The following TRANK1 variants were observed in gnomAD, a reference collection of about 807,000 sequenced individuals.
TRANK1 encodes the protein tetratricopeptide repeat and ankyrin repeat containing 1.
In TRANK1, 198 loss-of-function variants were observed where a neutral mutation model predicts 266.0. The ratio of observed to expected loss-of-function variants is 0.74; its 90% CI spans 0.66 to 0.84. The LOEUF is 0.84. Ranked by LOEUF, TRANK1 falls within the 40% of genes least tolerant of loss-of-function variation. TRANK1 has a pLI of 0.00. For missense variants in TRANK1, 3,326 were observed against 3,634.6 expected, an observed-to-expected ratio of 0.92 and a Z score of 2.18; for synonymous variants, 1,396 against 1,384.1, an observed-to-expected ratio of 1.01 and a Z score of -0.19.
At chr3:36,878,237 T>C (rs1380490241) in intron 8 of TRANK1, among the ~76,000 whole-genome samples, 5 of 152,192 alleles carry the variant, frequency 3.3e-5, no homozygotes, top group African/African-American at 4.8e-5. Flanking sequence ...AGAATCTAAC[T>C]AATGCCTGGC....
At chr3:36,942,020 C>T (rs1047816834) in intron 1 of TRANK1, among the ~76,000 whole-genome samples, 1 of 152,212 alleles carries the variant, frequency 6.6e-6, no homozygotes, top group Non-Finnish European at 1.5e-5. Flanking sequence ...ACCTCCACTT[C>T]AGTTCTTAAA....
chr3:36,943,876 C>T (rs965526181), intron 1 of TRANK1, among the ~76,000 whole-genome samples: 1 of 152,144 alleles, frequency 6.6e-6, no homozygotes, highest in Non-Finnish European at 1.5e-5. Flanking sequence ...CTTTCTGCTT[C>T]TTAAATTTTT....
chr3:36,925,026 G>GAACA (rs1288690915), intron 1 of TRANK1, among the ~76,000 whole-genome samples: 1 of 152,174 alleles, frequency 6.6e-6, no homozygotes, highest in Non-Finnish European at 1.5e-5. Flanking sequence ...AGAAACAAGG[G>GAACA]TGTTAGGGGT....
chr3:36,910,241 A>G (rs2080032307), intron 1 of TRANK1, among the ~76,000 whole-genome samples: 1 of 152,256 alleles, frequency 6.6e-6, no homozygotes, highest in South Asian at 2.1e-4. Flanking sequence ...ACAACAAAAT[A>G]TCATTGGAAA....
intron 20 of TRANK1, among the ~76,000 whole-genome samples, chr3:36,837,093 C>T (rs564978824): frequency 1.5e-4 from 23 of 152,244 alleles, no homozygotes; most frequent in Non-Finnish European, 2.6e-4. Context: ...AATCAACCAA[C>T]TTGGCAGCAG....
rs114874886 is a variant in TRANK1, at chr3:36,889,753, G to A, written c.907+76C>T. 2.0e-3 allele frequency: 2,929 copies of A among 1,454,110 alleles called. 50 individuals carry two copies. In the African/African-American group the frequency reaches 0.037, roughly 18 times the overall value. 90.1% of individuals were successfully genotyped at this position (1,454,110 alleles called of 1,614,324 possible). On this transcript the variant is annotated intron_variant, in intron 8 of 23. Transcript: ENST00000645898. Reference sequence around the variant, plus strand: ...CTAGGGATAGAATGGGTAAAACAAGGCAGTCGGTGGTGTGGGTCCTCAAAG... The same window carrying A: ...CTAGGGATAGAATGGGTAAAACAAGACAGTCGGTGGTGTGGGTCCTCAAAG...
intron 17 of TRANK1, among the ~76,000 whole-genome samples, chr3:36,844,311 C>T (rs2078886744): frequency 6.6e-6 from 1 of 152,190 alleles, no homozygotes; most frequent in South Asian, 2.1e-4. Context: ...ACTGCAACCT[C>T]CACCTCCCAG....
At chr3:36,879,061 A>G (rs1355808823) in intron 8 of TRANK1, among the ~76,000 whole-genome samples, 2 of 152,030 alleles carry the variant, frequency 1.3e-5, no homozygotes, top group Admixed American at 6.6e-5. Flanking sequence ...AAAATTTTCA[A>G]TTTATCTGGA....
intron 8 of TRANK1, among the ~76,000 whole-genome samples, chr3:36,887,924 C>T (rs1431638272): frequency 1.3e-5 from 2 of 152,190 alleles, no homozygotes; most frequent in Non-Finnish European, 2.9e-5. Context: ...AATGGTACAG[C>T]CACTTTGGGA....
chr3:36,905,769 G>A (rs1300488310), intron 2 of TRANK1, among the ~76,000 whole-genome samples: 3 of 152,274 alleles, frequency 2.0e-5, no homozygotes, highest in Non-Finnish European at 1.5e-5. Context: ...ATGGGATCAG[G>A]CAAATCTTGC....
intron 8 of TRANK1, chr3:36,880,778 T>C: frequency 6.6e-6 from 1 of 152,206 alleles, no homozygotes; most frequent in East Asian, 1.9e-4. Context: ...TTAGGGTACA[T>C]GTGCACAGCG....
rs1332282389 is a variant in TRANK1 at position 36,944,898 on chromosome 3, C to G, written c.-89G>C. 7.7e-7 allele frequency: 1 copy of G among 1,302,472 alleles called. No homozygotes were observed. Among genetic ancestry groups the G allele is most frequent in the Non-Finnish European group, 9.9e-7 (1 of 1,011,828 alleles). The allele number at this position is 1,302,472 out of a possible 1,614,324, so 80.7% of individuals were successfully genotyped here. ...GGGCGCGGCGGGCAGTGCGGAAGCCCGAAAGCTACCGGAGCCCGGGGCAGG... is the reference window on the plus strand; with the variant it reads ...GGGCGCGGCGGGCAGTGCGGAAGCCGGAAAGCTACCGGAGCCCGGGGCAGG... On this transcript the variant is annotated 5_prime_UTR_variant, in exon 1 of 24. Coordinates refer to ENST00000645898, the MANE Select transcript of TRANK1 (RefSeq NM_001329998.2).
At chr3:36,852,775 T>TAAAAAAAAA (rs761417309) in intron 13 of TRANK1, among the ~76,000 whole-genome samples, 1 of 120,222 alleles carries the variant, frequency 8.3e-6, no homozygotes, top group Non-Finnish European at 1.7e-5. Flanking sequence ...CCATCTCAAT[T>TAAAAAAAAA]AAAAAAAAAA....
Position 36,829,562 on chromosome 3 carries a change from A to T in TRANK1, c.8809+2T>A. 6.2e-7 allele frequency: 1 copy of T among 1,613,878 alleles called. No homozygotes were observed. ...CCTGTCCCCACAATCAAGACTCCTT[A>T]CCTTCCTTCTTTAAGCGGGTCTCTG... On this transcript the variant is annotated splice_donor_variant, in intron 23 of 23. Transcript: ENST00000645898. LOFTEE classifies it high-confidence loss of function.
At chr3:36,905,064 G>A (rs1250638304) in intron 2 of TRANK1, among the ~76,000 whole-genome samples, 5 of 151,838 alleles carry the variant, frequency 3.3e-5, no homozygotes, top group Non-Finnish European at 5.9e-5. Flanking sequence ...CCGAGCGGGC[G>A]GATCACGAGG....
chr3:36,920,268 T>C (rs1206503062), intron 1 of TRANK1, among the ~76,000 whole-genome samples: 1 of 152,206 alleles, frequency 6.6e-6, no homozygotes, highest in Non-Finnish European at 1.5e-5. Flanking sequence ...ATTTAGGAAG[T>C]TCTGACACTC....
intron 1 of TRANK1, among the ~76,000 whole-genome samples, chr3:36,934,145 C>T (rs923255249): frequency 1.3e-5 from 2 of 152,220 alleles, no homozygotes; most frequent in African/African-American, 4.8e-5. Flanking sequence ...GCTCCATGGG[C>T]CAGACCTGCC....
chr3:36,902,194 G>T (rs780997794), intron 3 of TRANK1, among the ~76,000 whole-genome samples: 1 of 152,200 alleles, frequency 6.6e-6, no homozygotes, highest in Admixed American at 6.5e-5. Context: ...ATTCAAAGCT[G>T]TCCTGGGCCA....
rs1037242907 is a variant in TRANK1 at position 36,889,851 on chromosome 3, G to A, written c.885C>T (p.His295=). The A allele has an allele frequency of 1.3e-6, 2 of 1,537,078 alleles. No individual in the cohort carries two copies. The highest frequency in any genetic ancestry group is 2.7e-5 in the African/African-American group (2 of 73,158). ...GCTVLHVVAA[H]SPGYLVKRQT... is the part of the protein sequence containing the mutation. ...CACGCTTAACGAGGTATCCTGGGGA[G>A]TGGGCAGCGACGACGTGCAGGACAG... Residue 295 remains histidine (H), a synonymous_variant, in exon 8 of 24, where the codon CAC becomes CAT. Transcript: ENST00000645898.
Sources: gnomAD v4.1 joint callset for allele counts (sites outside exome capture counted in the v4.1 genomes callset) on GRCh38, gnomAD v4.1.1 for gene constraint, MANE v1.5 for transcripts, NCBI Gene and HGNC (gene_info 2026-07-23, HGNC 2026-07-21) for gene names.